Variants in NBEA observed in about 807,000 individuals in gnomAD.
NBEA encodes lysosomal-trafficking regulator 2.
A neutral mutation model predicts 343.4 loss-of-function variants in NBEA; 44 were observed. That is an observed-to-expected ratio of 0.13 (90% CI 0.10 to 0.16). The LOEUF (loss-of-function observed/expected upper bound fraction) is 0.16, where lower values mean the gene tolerates loss of function less well. Ranked by LOEUF, NBEA falls within the 10% of genes least tolerant of loss-of-function variation. The pLI, the probability that NBEA is intolerant of heterozygous loss-of-function variation, is 1.00. For missense variants in NBEA, 2,555 were observed against 3,631.3 expected, an observed-to-expected ratio of 0.70 and a Z score of 7.62; for synonymous variants, 1,175 against 1,238.7, an observed-to-expected ratio of 0.95 and a Z score of 1.08.
intron 46 of NBEA, among the ~76,000 whole-genome samples, chr13:35,589,094 G>A (rs2081411477): frequency 6.6e-6 from 1 of 152,042 alleles, no homozygotes; most frequent in African/African-American, 2.4e-5. Context: ...AGGCATTAAG[G>A]ACAATGCATA....
At chr13:35,494,563 A>G (rs952800299) in intron 41 of NBEA, among the ~76,000 whole-genome samples, 14 of 152,164 alleles carry the variant, frequency 9.2e-5, no homozygotes, top group African/African-American at 3.1e-4. Context: ...AAATAGATGT[A>G]GTTAAAAAAC....
intron 41 of NBEA, among the ~76,000 whole-genome samples, chr13:35,547,607 G>T (rs1023634433): frequency 1.3e-5 from 2 of 152,146 alleles, no homozygotes; most frequent in African/African-American, 4.8e-5. Context: ...AAGAATATTG[G>T]CCAGGCGTGG....
intron 41 of NBEA, among the ~76,000 whole-genome samples, chr13:35,546,223 A>ATTTTT (rs1566299402): frequency 1.6e-4 from 25 of 152,286 alleles, no homozygotes; most frequent in African/African-American, 6.0e-4. Context: ...AACAGTGATA[A>ATTTTT]GATAGGCTGT....
intron 38 of NBEA, among the ~76,000 whole-genome samples, chr13:35,380,420 G>A (rs1206705341): frequency 6.6e-6 from 1 of 151,968 alleles, no homozygotes; most frequent in Non-Finnish European, 1.5e-5. Context: ...ACTCCAGCCT[G>A]GGCAAGACAG....
chr13:35,407,865 C>G (rs1306356307), intron 38 of NBEA, among the ~76,000 whole-genome samples: 1 of 152,046 alleles, frequency 6.6e-6, no homozygotes, highest in African/African-American at 2.4e-5. Flanking sequence ...TGAGAAATGA[C>G]ACAAATAATT....
intron 43 of NBEA, among the ~76,000 whole-genome samples, 176 bp from the exon 44 acceptor site, chr13:35,554,811 A>G (rs2079510046): frequency 6.6e-6 from 1 of 152,214 alleles, no homozygotes; most frequent in Admixed American, 6.5e-5. Context: ...TCTCTATAAT[A>G]GAATTCTCAA....
chr13:35,388,804 C>T (rs1008863896), intron 38 of NBEA, among the ~76,000 whole-genome samples: 2 of 152,094 alleles, frequency 1.3e-5, no homozygotes, highest in African/African-American at 4.8e-5. Context: ...GTTGTTTCTG[C>T]CTTGAAGGCA....
chr13:35,118,132 ACT>A (rs1480854169), intron 14 of NBEA, 94 bp from the exon 15 acceptor site: 28 of 775,950 alleles, frequency 3.6e-5, no homozygotes, highest in African/African-American at 1.4e-4. Flanking sequence ...CATTAAACTA[ACT>A]CTTATTTTCT....
chr13:35,309,449 A>G (rs2037209625), intron 35 of NBEA, 79 bp from the exon 36 acceptor site: 4 of 729,278 alleles, frequency 5.5e-6, no homozygotes, highest in African/African-American at 1.8e-5. Context: ...TATTAACAAT[A>G]TCAACATGAT....
At chr13:35,003,276 G>T (rs575542200) in intron 1 of NBEA, among the ~76,000 whole-genome samples, 1 of 152,066 alleles carries the variant, frequency 6.6e-6, no homozygotes, top group East Asian at 1.9e-4. Context: ...AGCTACTTCA[G>T]GGGGGCTGAG....
intron 36 of NBEA, among the ~76,000 whole-genome samples, chr13:35,340,621 A>G (rs569563133): frequency 6.6e-6 from 1 of 152,218 alleles, no homozygotes; most frequent in Non-Finnish European, 1.5e-5. Flanking sequence ...ATTTTATATT[A>G]TATGTATTTT....
At chr13:35,065,643 A>C (rs2063624243) in intron 8 of NBEA, among the ~76,000 whole-genome samples, 1 of 151,890 alleles carries the variant, frequency 6.6e-6, no homozygotes, top group Non-Finnish European at 1.5e-5. Context: ...CTCATATTTC[A>C]CTTTCTCTTA....
At chr13:35,281,231 T>C (rs2035032320) in intron 34 of NBEA, among the ~76,000 whole-genome samples, 4 of 152,264 alleles carry the variant, frequency 2.6e-5, no homozygotes, top group Admixed American at 1.3e-4. Flanking sequence ...ATATCTTCAA[T>C]GTTGTAAAAT....
intron 41 of NBEA, among the ~76,000 whole-genome samples, chr13:35,487,253 T>TA (rs2076336338): frequency 6.6e-6 from 1 of 151,940 alleles, no homozygotes; most frequent in African/African-American, 2.4e-5. Flanking sequence ...ATTATATTAT[T>TA]ATATAAAGAC....
intron 38 of NBEA, among the ~76,000 whole-genome samples, chr13:35,430,478 G>A (rs1486062891): frequency 6.6e-6 from 1 of 151,962 alleles, no homozygotes; most frequent in East Asian, 1.9e-4. Context: ...CCTTCTTTTT[G>A]TTGCACTTAC....
intron 33 of NBEA, among the ~76,000 whole-genome samples, chr13:35,218,055 C>A (rs545075085): frequency 1.3e-5 from 2 of 152,124 alleles, no homozygotes; most frequent in South Asian, 4.1e-4. Flanking sequence ...CATTGCAGGA[C>A]TCAGTATTTG....
intron 48 of NBEA, among the ~76,000 whole-genome samples, chr13:35,614,332 C>G (rs1386005810): frequency 6.6e-6 from 1 of 152,116 alleles, no homozygotes; most frequent in African/African-American, 2.4e-5. Context: ...GTTTATCATC[C>G]TGAGTACCCA....
chr13:35,374,018 C>T (rs1027515045), intron 38 of NBEA, among the ~76,000 whole-genome samples: 2 of 152,164 alleles, frequency 1.3e-5, no homozygotes, highest in South Asian at 4.1e-4. Flanking sequence ...TTCTGAATAA[C>T]TTGCTGCAGC....
At chr13:35,659,215 A>T (rs1245073735) in intron 55 of NBEA, among the ~76,000 whole-genome samples, 1 of 152,198 alleles carries the variant, frequency 6.6e-6, no homozygotes, top group Non-Finnish European at 1.5e-5. Flanking sequence ...CATGTAACAT[A>T]ATATCCTAGT....
Sources: allele counts gnomAD v4.1 joint callset (sites outside exome capture counted in the v4.1 genomes callset), GRCh38; gene constraint gnomAD v4.1.1; transcripts MANE v1.5; gene names NCBI Gene and HGNC (gene_info 2026-07-23, HGNC 2026-07-21).